Variants in ACE observed in about 807,000 individuals in gnomAD.
The protein encoded by ACE is angiotensin I converting enzyme.
A neutral mutation model predicts 162.3 loss-of-function variants in ACE; 122 were observed. That is an observed-to-expected ratio of 0.75 (90% CI 0.65 to 0.87). The LOEUF (loss-of-function observed/expected upper bound fraction) is 0.87. Ranked by LOEUF, ACE falls within the 40% of genes least tolerant of loss-of-function variation. The pLI is 0.00. For missense variants in ACE, 1,799 were observed against 1,735.1 expected, an observed-to-expected ratio of 1.04 and a Z score of -0.65; for synonymous variants, 796 against 720.6, an observed-to-expected ratio of 1.10 and a Z score of -1.68.
chr17:63,484,357 GC>G lies in ACE; in HGVS notation c.1740del (p.Trp581GlyfsTer5), dbSNP rs1568039397. ...AGGTGCTGCAGGCTGGCTCCTCCAG[GC>G]CCTGGCAGGAGGTGCTGAAGGACAT... ...RKVLQAGSSR[P>X]WQEVLKDMVG... is the part of the protein sequence containing the mutation. On this transcript the variant is annotated frameshift_variant, in exon 12 of 25. Transcript: ENST00000290866. LOFTEE classifies it high-confidence loss of function. The surrounding 1 kb of genome is among the most constrained non-coding windows in gnomAD (Gnocchi z 4.0). The G allele has an allele frequency of 6.2e-6, 10 of 1,611,272 alleles. No individual in the cohort carries two copies. The highest frequency in any genetic ancestry group is 8.5e-6 in the Non-Finnish European group (10 of 1,179,856).
intron 2 of ACE, chr17:63,478,334 T>TA (rs1363682459): frequency 1.7e-6 from 1 of 581,308 alleles, no homozygotes; most frequent in Non-Finnish European, 3.0e-6. Flanking sequence ...CAAATTCAAA[T>TA]ACACTTCTCC....
At position 63,482,473 on chromosome 17, in the gene ACE, CAGTG is replaced by C; in HGVS notation, c.1127_1130del (p.Gln376ProfsTer79). 6.2e-7 allele frequency: 1 copy of C among 1,613,996 alleles called. No homozygotes were observed. The highest frequency in any genetic ancestry group is 8.5e-7 in the Non-Finnish European group (1 of 1,179,974). Reference sequence around the variant, plus strand: ...GCCCTCTCTACGCCCCAGGATCAAGCAGTGCACACGGGTCACGATGGACCAGCTC... The same window carrying C: ...GCCCTCTCTACGCCCCAGGATCAAGCCACACGGGTCACGATGGACCAGCTC... On this transcript the variant is annotated frameshift_variant, in exon 8 of 25. Coordinates refer to ENST00000290866, the MANE Select transcript of ACE (RefSeq NM_000789.4). LOFTEE classifies it high-confidence loss of function.
In ACE at chr17:63,481,196, C is replaced by A. The variant is rs773002378; in HGVS notation, c.945+8C>A. ...AGTACTATGCTGCAGCAGGTAAGCT[C>A]TGGGCTCAAGCCTGGGGTGGTGGGG... is the stretch of plus-strand genomic sequence containing the variant. On this transcript the variant is annotated splice_region_variant and intron_variant, in intron 6 of 24. Transcript: ENST00000290866. The A allele has an allele frequency of 6.3e-7, 1 of 1,599,986 alleles. No homozygotes were observed. Among genetic ancestry groups the A allele is most frequent in the Non-Finnish European group, 8.5e-7 (1 of 1,169,852 alleles).
chr17:63,482,476 T>A lies in ACE; in HGVS notation c.1129T>A (p.Cys377Ser). 2 of 1,613,928 alleles carry A rather than the reference T, an allele frequency of 1.2e-6. No individual in the cohort carries two copies. Among genetic ancestry groups the A allele is most frequent in the Non-Finnish European group, 1.7e-6 (2 of 1,179,960 alleles). The change falls in exon 8 of 25, where the codon TGC becomes AGC. Residue 377 changes from cysteine to serine, a missense_variant. By Grantham distance (112) the Cys-to-Ser change is moderately radical. Transcript: ENST00000290866. ...YNRKDFRIKQ[C>S]TRVTMDQLST... ...CTCTCTACGCCCCAGGATCAAGCAGTGCACACGGGTCACGATGGACCAGCT... is the reference window on the plus strand; with the variant it reads ...CTCTCTACGCCCCAGGATCAAGCAGAGCACACGGGTCACGATGGACCAGCT...
Position 63,481,206 on chromosome 17 carries a change from G to A in ACE, c.945+18G>A, listed in dbSNP as rs751509200. The A allele has an allele frequency of 1.9e-6, 2 of 1,068,300 alleles. 1 individual carries two copies. Among genetic ancestry groups the A allele is most frequent in the South Asian group, 2.5e-5 (2 of 81,370 alleles). 66.2% of individuals were successfully genotyped at this position (1,068,300 alleles called of 1,614,324 possible). On this transcript the variant is annotated intron_variant, in intron 6 of 24. Transcript: ENST00000290866. ...TGCAGCAGGTAAGCTCTGGGCTCAA[G>A]CCTGGGGTGGTGGGGGTCGGGGGTG...
chr17:63,493,175 G>A (rs761874691), intron 19 of ACE, among the ~76,000 whole-genome samples: 17 of 152,230 alleles, frequency 1.1e-4, no homozygotes, highest in Admixed American at 3.3e-4. Context: ...GAAAGCAACA[G>A]GTGGTGGGGG....
At position 63,484,599 on chromosome 17, in the gene ACE, G is replaced by A; in HGVS notation, c.1921+58G>A. ...AGGTGGGTCCTCAACTCTGGGCTTG[G>A]CCCAGGCCCCAGGTTCCTGGTCAGC... On this transcript the variant is annotated intron_variant, in intron 12 of 24. Coordinates refer to ENST00000290866, the MANE Select transcript of ACE (RefSeq NM_000789.4). This position sits in a 1 kb window ranked among gnomAD's most constrained non-coding sequence, Gnocchi z 4.0. 3.2e-6 allele frequency: 5 copies of A among 1,546,512 alleles called. No homozygotes were observed. The South Asian group carries it at 4.8e-5, about 15-fold the overall frequency.
Position 63,483,146 on chromosome 17 carries a change from G to C in ACE, c.1460G>C (p.Arg487Pro), listed in dbSNP as rs376430907. 1 of 1,613,934 alleles carries C rather than the reference G, an allele frequency of 6.2e-7. No individual in the cohort carries two copies. Among genetic ancestry groups the C allele is most frequent in the Non-Finnish European group, 8.5e-7 (1 of 1,179,982 alleles). Residue 487 changes from arginine (R) to proline (P), a missense_variant, in exon 9 of 25, where the codon CGC becomes CCC. Physicochemically the swap from Arg to Pro is moderately radical, Grantham distance 103. Transcript: ENST00000290866. ...TTTAGTGGGCGTACCCCCCCTTCCC[G>C]CTACAACTTCGACTGGTGGTATCTT... ...GVFSGRTPPS[R>P]YNFDWWYLRT...
At chr17:63,482,737 TC>T in intron 8 of ACE, 48 bp downstream of exon 8, 4 of 1,573,282 alleles carry the variant, frequency 2.5e-6, no homozygotes, top group Non-Finnish European at 3.5e-6. Flanking sequence ...TAAACCCCGC[TC>T]CACCCCACAG....
rs2030376087 is a variant in ACE, at chr17:63,491,389, C to T, written c.2912+8C>T. Reference sequence around the variant, plus strand: ...CAACGGCAAGGACTTCCGGTACATCCAGCTAGGGCTCAGGTCTCGTTCCTG... The same window carrying T: ...CAACGGCAAGGACTTCCGGTACATCTAGCTAGGGCTCAGGTCTCGTTCCTG... On this transcript the variant is annotated splice_region_variant and intron_variant, in intron 19 of 24. Coordinates refer to ENST00000290866, the MANE Select transcript of ACE (RefSeq NM_000789.4). This position sits in a 1 kb window ranked among gnomAD's most constrained non-coding sequence, Gnocchi z 4.4. 6.2e-7 allele frequency: 1 copy of T among 1,614,060 alleles called. No homozygotes were observed. Among genetic ancestry groups the T allele is most frequent in the Non-Finnish European group, 8.5e-7 (1 of 1,180,008 alleles).
Position 63,480,321 on chromosome 17 carries a change from ACCCCCACG to A in ACE, c.656-9_656-2del. On this transcript the variant is annotated splice_polypyrimidine_tract_variant and splice_region_variant and intron_variant, in intron 4 of 24. Coordinates refer to ENST00000290866, the MANE Select transcript of ACE (RefSeq NM_000789.4). Reference sequence around the variant, plus strand: ...GCCTTTGGCCTGAGCTACATACCTCACCCCCACGCCCCCAGGCTTCACAGACACGGGGG... The same window carrying A: ...GCCTTTGGCCTGAGCTACATACCTCACCCCCAGGCTTCACAGACACGGGGG... 6.2e-7 allele frequency: 1 copy of A among 1,612,900 alleles called. No homozygotes were observed. Among genetic ancestry groups the A allele is most frequent in the East Asian group, 2.2e-5 (1 of 44,838 alleles).
chr17:63,479,688 G>C, intron 3 of ACE, 81 bp from the exon 4 acceptor site: 1 of 1,575,798 alleles, frequency 6.3e-7, no homozygotes. Context: ...GAGCAGTAAG[G>C]ACTGGTGCAG....
At chr17:63,480,784 C>T (rs2049694008) in intron 5 of ACE, among the ~76,000 whole-genome samples, 1 of 152,178 alleles carries the variant, frequency 6.6e-6, no homozygotes, top group Non-Finnish European at 1.5e-5. Context: ...GCCCTGGGTC[C>T]AGTGGGGGAG....
rs4303 is a variant in ACE at position 63,480,462 on chromosome 17, G to T, written c.781G>T (p.Ala261Ser). The stretch of plus-strand genomic sequence containing the variant: ...GAACCTCCATGCCTTCGTCCGCCGC[G>T]CACTGCATCGCCGATACGGAGACAG... ...YLNLHAFVRR[A>S]LHRRYGDRYI... The change falls in exon 5 of 25, where the codon GCA becomes TCA. Residue 261 changes from alanine to serine, a missense_variant. Transcript: ENST00000290866. 8,356 of 1,613,996 alleles carry T rather than the reference G, an allele frequency of 5.2e-3. 329 individuals are homozygous for T. The African/African-American group carries it at 0.095, about 18-fold the overall frequency.
intron 6 of ACE, 81 bp downstream of exon 6, chr17:63,481,269 C>T (rs2049705090): frequency 2.8e-5 from 38 of 1,355,146 alleles, no homozygotes; most frequent in Middle Eastern, 5.1e-4. Flanking sequence ...GGCACAGGGG[C>T]GGGAAGGTTT....
intron 8 of ACE, 134 bp downstream of exon 8, chr17:63,482,823 C>A (rs1257673630): frequency 8.1e-6 from 9 of 1,104,296 alleles, no homozygotes; most frequent in Middle Eastern, 2.3e-4. Context: ...GGTTCGGGAT[C>A]CTCCTAGAGC....
chr17:63,494,000 G>A lies in ACE; in HGVS notation c.3215G>A (p.Trp1072Ter), dbSNP rs773163752. 1 of 1,614,134 alleles carries A rather than the reference G, an allele frequency of 6.2e-7. No homozygotes were observed. The highest frequency in any genetic ancestry group is 1.7e-5 in the Admixed American group (1 of 60,028). Residue 1072 changes from tryptophan to a stop codon, truncating the protein, a stop_gained, in exon 21 of 25, where the codon TGG becomes TAG. Transcript: ENST00000290866. LOFTEE classifies it high-confidence loss of function. ...FIPFSYLVDQ[W>*]RWRVFDGSIT... ...CCCTTCAGCTACCTCGTCGATCAGT[G>A]GCGCTGGAGGGTATTTGATGGAAGC...
chr17:63,491,208 G>A lies in ACE; in HGVS notation c.2740-1G>A. On this transcript the variant is annotated splice_acceptor_variant, in intron 18 of 24. Transcript: ENST00000290866. LOFTEE classifies it high-confidence loss of function. The surrounding 1 kb of genome is among the most constrained non-coding windows in gnomAD (Gnocchi z 4.4). ...TTGGGCAGAACTCCCTCTGCTTGCA[G>A]GGCTGGACGCCCAGGAGGATGTTTA... The A allele has an allele frequency of 6.2e-7, 1 of 1,613,990 alleles. No homozygotes were observed. Among genetic ancestry groups the A allele is most frequent in the South Asian group, 1.1e-5 (1 of 91,070 alleles).
In ACE at chr17:63,497,170, G is replaced by A. The variant is rs781198085; in HGVS notation, c.3725G>A (p.Arg1242His). 7.9e-5 allele frequency: 127 copies of A among 1,604,018 alleles called. No individual in the cohort carries two copies. Among genetic ancestry groups the A allele is most frequent in the Non-Finnish European group, 1.0e-4 (122 of 1,179,246 alleles). Reference sequence around the variant, plus strand: ...GAAGGGCCCCTCCCAGACAGCGGCCGCGTCAGCTTCCTGGGCCTGGACCTG... The same window carrying A: ...GAAGGGCCCCTCCCAGACAGCGGCCACGTCAGCTTCCTGGGCCTGGACCTG... ...RSEGPLPDSG[R>H]VSFLGLDLDA... Residue 1242 changes from arginine (R) to histidine (H), a missense_variant, in exon 25 of 25, where the codon CGC (arginine) becomes CAC (histidine). Arg to His is a conservative substitution (Grantham distance 29, BLOSUM62 0). Coordinates refer to ENST00000290866, the MANE Select transcript of ACE (RefSeq NM_000789.4).
Sources: allele counts gnomAD v4.1 joint callset (sites outside exome capture counted in the v4.1 genomes callset), GRCh38; gene constraint gnomAD v4.1.1; non-coding constraint Gnocchi (gnomAD v3.1); transcripts MANE v1.5; gene names NCBI Gene and HGNC (gene_info 2026-07-23, HGNC 2026-07-21).